Variants in MACROD2 observed in about 807,000 individuals in gnomAD.
The protein encoded by MACROD2 is ADP-ribose glycohydrolase MACROD2.
A neutral mutation model predicts 70.4 loss-of-function variants in MACROD2; 36 were observed. The ratio of observed to expected loss-of-function variants is 0.51; its 90% confidence interval spans 0.39 to 0.68. The LOEUF (loss-of-function observed/expected upper bound fraction) is 0.68. Ranked by LOEUF, MACROD2 falls within the 30% of genes least tolerant of loss-of-function variation. The pLI is 0.00. For synonymous variants in MACROD2, 172 were observed against 178.8 expected, an observed-to-expected ratio of 0.96 and a Z score of 0.30; for missense variants, 496 against 538.4, an observed-to-expected ratio of 0.92 and a Z score of 0.78.
Position 15,967,794 on chromosome 20 carries a change from A to G in MACROD2, c.985+164A>G, listed in dbSNP as rs6043641. Among the ~76,000 whole-genome samples, 22,582 of 151,946 alleles carry G rather than the reference A, an allele frequency of 0.15. 1,736 individuals carry two copies. Among genetic ancestry groups the G allele is most frequent in the South Asian group, 0.29 (1,378 of 4,798 alleles). ...GTTGATCAGTAGCTGCCATCTTTAG[A>G]TGACACTTTTGCTTTCCAGAATCCT... On this transcript the variant is annotated intron_variant, in intron 13 of 17. Coordinates refer to ENST00000684519, the MANE Select transcript of MACROD2 (RefSeq NM_001351661.2).
intron 5 of MACROD2, among the ~76,000 whole-genome samples, chr20:15,132,759 T>G (rs540308586): frequency 6.6e-6 from 1 of 152,082 alleles, no homozygotes; most frequent in African/African-American, 2.4e-5. Flanking sequence ...GAAAATAATA[T>G]TCACGGCAAT....
At chr20:15,133,613 G>T (rs1356043239) in intron 5 of MACROD2, among the ~76,000 whole-genome samples, 1 of 152,060 alleles carries the variant, frequency 6.6e-6, no homozygotes, top group Non-Finnish European at 1.5e-5. Context: ...ATATTTATCA[G>T]AAATTTTGGT....
At chr20:14,519,571 G>T (rs2085141373) in intron 4 of MACROD2, among the ~76,000 whole-genome samples, 1 of 152,132 alleles carries the variant, frequency 6.6e-6, no homozygotes, top group African/African-American at 2.4e-5. Context: ...AATAACAGGT[G>T]CTGGTGAGGT....
chr20:15,794,968 C>T (rs2063659803), intron 8 of MACROD2, among the ~76,000 whole-genome samples: 1 of 151,994 alleles, frequency 6.6e-6, no homozygotes, highest in East Asian at 1.9e-4. Flanking sequence ...CTCTTTCCTA[C>T]CCCCCACCCA....
At chr20:14,685,865 A>G (rs903955603) in intron 5 of MACROD2, among the ~76,000 whole-genome samples, 1 of 152,222 alleles carries the variant, frequency 6.6e-6, no homozygotes, top group South Asian at 2.1e-4. Context: ...ATGAAAATTT[A>G]TAATACAACC....
intron 5 of MACROD2, among the ~76,000 whole-genome samples, chr20:14,976,514 T>A (rs897984996): frequency 4.6e-5 from 7 of 152,272 alleles, no homozygotes; most frequent in African/African-American, 1.7e-4. Flanking sequence ...CACTGTCATC[T>A]CAGGGTCCCC....
chr20:14,706,660 G>A (rs569811558), intron 5 of MACROD2, among the ~76,000 whole-genome samples: 1 of 152,122 alleles, frequency 6.6e-6, no homozygotes, highest in African/African-American at 2.4e-5. Context: ...ACTGCAACCA[G>A]CCCGGCTGGG....
intron 3 of MACROD2, among the ~76,000 whole-genome samples, chr20:14,316,938 C>G (rs994261706): frequency 1.3e-5 from 2 of 152,152 alleles, no homozygotes; most frequent in Non-Finnish European, 2.9e-5. Flanking sequence ...CACCCCCTAT[C>G]TTCCCCTTAT....
chr20:16,034,427 A>C (rs1268189786), intron 15 of MACROD2, among the ~76,000 whole-genome samples: 1 of 152,012 alleles, frequency 6.6e-6, no homozygotes, highest in African/African-American at 2.4e-5. Flanking sequence ...GGAAAATGAA[A>C]TCTAATTGAG....
intron 5 of MACROD2, among the ~76,000 whole-genome samples, chr20:15,095,373 C>A (rs1287439955): frequency 1.3e-5 from 2 of 151,836 alleles, no homozygotes; most frequent in Non-Finnish European, 2.9e-5. Flanking sequence ...CCACGCCCGG[C>A]CTGCTGTGGT....
intron 5 of MACROD2, among the ~76,000 whole-genome samples, chr20:15,155,307 A>T (rs1197643155): frequency 6.6e-6 from 1 of 152,114 alleles, no homozygotes; most frequent in African/African-American, 2.4e-5. Flanking sequence ...CCTGTCTGCC[A>T]TGCAGTTTGC....
At chr20:15,182,646 C>A (rs1052533409) in intron 5 of MACROD2, among the ~76,000 whole-genome samples, 4 of 152,182 alleles carry the variant, frequency 2.6e-5, no homozygotes, top group African/African-American at 9.7e-5. Context: ...CCCTAGGCAT[C>A]TCTTTCTATC....
chr20:14,946,629 A>G (rs1353026120), intron 5 of MACROD2, among the ~76,000 whole-genome samples: 1 of 152,130 alleles, frequency 6.6e-6, no homozygotes, highest in Non-Finnish European at 1.5e-5. Context: ...AAATAAAAAT[A>G]TGAGAATAAG....
At chr20:15,441,345 T>G (rs1216480011) in intron 7 of MACROD2, among the ~76,000 whole-genome samples, 3 of 152,088 alleles carry the variant, frequency 2.0e-5, no homozygotes, top group African/African-American at 4.8e-5. Context: ...AGTGACCAAC[T>G]ACAAAATATG....
intron 4 of MACROD2, chr20:14,554,413 G>T (rs1288386345): frequency 2.0e-5 from 3 of 152,142 alleles, no homozygotes; most frequent in Non-Finnish European, 4.4e-5. Context: ...TGCCAGGGCT[G>T]TGCAACCCAT....
intron 2 of MACROD2, among the ~76,000 whole-genome samples, chr20:14,008,986 A>G (rs2052860982): frequency 6.6e-6 from 1 of 152,222 alleles, no homozygotes. Context: ...TGGATTAAAG[A>G]TTTTAATGTA....
chr20:15,845,800 C>T (rs6110796), intron 8 of MACROD2, among the ~76,000 whole-genome samples: 7,130 of 152,236 alleles, frequency 0.047, 338 homozygotes, highest in African/African-American at 0.12. Flanking sequence ...CCCTACCCTA[C>T]AGTATTGGTC....
At chr20:14,044,898 C>T (rs190389080) in intron 2 of MACROD2, among the ~76,000 whole-genome samples, 16 of 152,286 alleles carry the variant, frequency 1.1e-4, no homozygotes, top group South Asian at 4.1e-4. Flanking sequence ...CGGGGAGGCT[C>T]GGGCCACGCA....
At chr20:14,542,152 G>A (rs1214944276) in intron 4 of MACROD2, among the ~76,000 whole-genome samples, 12 of 152,212 alleles carry the variant, frequency 7.9e-5, no homozygotes, top group Admixed American at 7.9e-4. Flanking sequence ...CTGAATGTGG[G>A]TGTGTTGACC....
Sources: gnomAD v4.1 joint callset for allele counts (sites outside exome capture counted in the v4.1 genomes callset) on GRCh38, gnomAD v4.1.1 for gene constraint, MANE v1.5 for transcripts, NCBI Gene and HGNC (gene_info 2026-07-23, HGNC 2026-07-21) for gene names.